Variants in GPX8 observed in about 807,000 individuals in gnomAD.
GPX8 encodes glutathione peroxidase 8 (putative), also known as protein peroxidase GPX8.
A neutral mutation model predicts 17.8 loss-of-function variants in GPX8; 12 were observed. That is an observed-to-expected ratio of 0.67 (90% CI 0.43 to 1.09). GPX8 has a LOEUF of 1.09. Ranked by LOEUF, GPX8 falls within the 50% of genes least tolerant of loss-of-function variation. The probability of loss-of-function intolerance (pLI) is 0.00; values close to 1 mark genes in which losing one functional copy is unlikely to be tolerated. For synonymous variants in GPX8, 86 were observed against 88.1 expected (o/e 0.98, Z 0.14); for missense variants, 209 against 235.6 (o/e 0.89, Z 0.74).
Position 55,160,236 on chromosome 5 carries a change from G to A in GPX8, c.44G>A (p.Arg15Lys), listed in dbSNP as rs370409177. The change falls in exon 1 of 3, where the codon AGA (arginine) becomes AAA (lysine). Residue 15 changes from arginine to lysine, a missense_variant. Transcript: ENST00000503787. ...TACCCGCTAAAATGTTCCGGGCCCAGAGCAAAGGTATTTGCAGTTTTGCTG... is the reference window on the plus strand; with the variant it reads ...TACCCGCTAAAATGTTCCGGGCCCAAAGCAAAGGTATTTGCAGTTTTGCTG... ...AAYPLKCSGPRAKVFAVLLSI... is the reference protein window; with the variant it reads ...AAYPLKCSGPKAKVFAVLLSI... 1 of 1,614,138 alleles carries A rather than the reference G, an allele frequency of 6.2e-7. No individual in the cohort carries two copies. The highest frequency in any genetic ancestry group is 2.2e-5 in the East Asian group (1 of 44,880).
chr5:55,161,054 C>T lies in GPX8; in HGVS notation c.265C>T (p.Leu89=), dbSNP rs1406647027. 1 of 1,614,006 alleles carries T rather than the reference C, an allele frequency of 6.2e-7. No homozygotes were observed. The highest frequency in any genetic ancestry group is 8.5e-7 in the Non-Finnish European group (1 of 1,180,010). The part of the protein sequence containing the change: ...CQLTDRNYLG[L]KELHKEFGPS... ...ACTCACAGACAGAAATTACTTAGGG[C>T]TGAAGGAACTGCACAAAGAGTTTGG... The change falls in exon 2 of 3, where the codon CTG becomes TTG. Residue 89 remains leucine, a synonymous_variant. Transcript: ENST00000503787.
chr5:55,166,231 A>G lies in GPX8; in HGVS notation c.*2013A>G, dbSNP rs1381930767. ...GACTCCCCACTGCCAGATGGATGAT[A>G]ATGGAGCTGCACTGGGAACAACCAG... On this transcript the variant is annotated 3_prime_UTR_variant, in exon 3 of 3. Transcript: ENST00000503787. 1 of 152,378 alleles carries G rather than the reference A, an allele frequency of 6.6e-6. No homozygotes were observed. The highest frequency in any genetic ancestry group is 1.9e-4 in the East Asian group (1 of 5,204). The allele number at this position is 152,378 out of a possible 1,614,324, so 9.4% of individuals were successfully genotyped here. A position where few individuals can be genotyped will look rare whatever the true frequency, so the allele number is the denominator to read the frequency against.
At position 55,160,973 on chromosome 5, in the gene GPX8, A is replaced by AT. The variant is rs780470415; in HGVS notation, c.205-14dup. 8.8e-6 allele frequency: 14 copies of AT among 1,583,874 alleles called. No homozygotes were observed. In the Admixed American group the frequency reaches 1.7e-4, roughly 19 times the overall value. ...ATCTTTTGCTTCACTTTCCGGTTGG[A>AT]TTTTTTTCTTTTTCCGGGAGGTTTC... On this transcript the variant is annotated intron_variant, in intron 1 of 2. Coordinates refer to ENST00000503787, the MANE Select transcript of GPX8 (RefSeq NM_001008397.4).
intron 1 of GPX8, 22 bp from the exon 2 acceptor site, chr5:55,160,972 G>A (rs1744017541): frequency 1.3e-6 from 2 of 1,584,016 alleles, no homozygotes; most frequent in African/African-American, 2.7e-5. Context: ...TTTCCGGTTG[G>A]ATTTTTTTCT....
intron 2 of GPX8, 152 bp from the exon 3 acceptor site, chr5:55,163,903 T>C: frequency 2.0e-6 from 1 of 498,418 alleles, no homozygotes; most frequent in Non-Finnish European, 3.4e-6. Context: ...ACTCTAACCT[T>C]GAGTTTCACT....
rs757293056 is a variant in GPX8, at chr5:55,165,418, G to A, written c.*1200G>A. On this transcript the variant is annotated 3_prime_UTR_variant, in exon 3 of 3. Coordinates refer to ENST00000503787, the MANE Select transcript of GPX8 (RefSeq NM_001008397.4). ...AGATGGCCAAAAATGTAAAAAAGTC[G>A]TATAAATTTGTCTAAGAAGAAAAAG... is the stretch of plus-strand genomic sequence containing the variant. The A allele has an allele frequency of 7.2e-5, 11 of 152,264 alleles. No individual in the cohort carries two copies. The highest frequency in any genetic ancestry group is 2.1e-4 in the South Asian group (1 of 4,824). 9.4% of individuals were successfully genotyped at this position (152,264 alleles called of 1,614,324 possible). A position where few individuals can be genotyped will look rare whatever the true frequency, so the allele number is the denominator to read the frequency against.
Position 55,165,077 on chromosome 5 carries a change from G to C in GPX8, c.*859G>C, listed in dbSNP as rs1465785462. 1 of 152,138 alleles carries C rather than the reference G, an allele frequency of 6.6e-6. No homozygotes were observed. Among genetic ancestry groups the C allele is most frequent in the Non-Finnish European group, 1.5e-5 (1 of 68,038 alleles). The allele number at this position is 152,138 out of a possible 1,614,324, so 9.4% of individuals were successfully genotyped here. A position where few individuals can be genotyped will look rare whatever the true frequency, so the allele number is the denominator to read the frequency against. The stretch of plus-strand genomic sequence containing the variant: ...AACTTGATTCCTTATAGGCTGATTT[G>C]GGTTGCTAATGTATTCGTACTAGAT... On this transcript the variant is annotated 3_prime_UTR_variant, in exon 3 of 3. Transcript: ENST00000503787.
chr5:55,160,202 CT>C lies in GPX8; in HGVS notation c.12del (p.Ala5GlnfsTer5). The C allele has an allele frequency of 6.2e-7, 1 of 1,613,850 alleles. No homozygotes were observed. The highest frequency in any genetic ancestry group is 8.5e-7 in the Non-Finnish European group (1 of 1,179,748). Reference protein sequence around the residue: MEPLAAYPLKCSGP... With the variant: MEPXAAYPLKCSGP... ...TCTAGAATCCTCCAACATGGAGCCT[CT>C]TGCAGCTTACCCGCTAAAATGTTCC... On this transcript the variant is annotated frameshift_variant, in exon 1 of 3. Coordinates refer to ENST00000503787, the MANE Select transcript of GPX8 (RefSeq NM_001008397.4). LOFTEE classifies it high-confidence loss of function.
chr5:55,162,665 T>C (rs1182624837), intron 2 of GPX8, among the ~76,000 whole-genome samples: 1 of 152,260 alleles, frequency 6.6e-6, no homozygotes, highest in Non-Finnish European at 1.5e-5. Context: ...GTGAGGTCTT[T>C]ATTCCTCTTA....
chr5:55,161,345 C>A (rs1263019577), intron 2 of GPX8, 90 bp downstream of exon 2: 16 of 1,248,900 alleles, frequency 1.3e-5, no homozygotes, highest in Non-Finnish European at 1.7e-5. Context: ...TCATTTGAAA[C>A]GTTGTATCGG....
chr5:55,160,989 G>T lies in GPX8; in HGVS notation c.205-5G>T, dbSNP rs1179192655. ...TCCGGTTGGATTTTTTTCTTTTTCC[G>T]GGAGGTTTCACTAGTTGTAAACGTG... On this transcript the variant is annotated splice_polypyrimidine_tract_variant and splice_region_variant and intron_variant, in intron 1 of 2. Coordinates refer to ENST00000503787, the MANE Select transcript of GPX8 (RefSeq NM_001008397.4). 1 of 1,581,326 alleles carries T rather than the reference G, an allele frequency of 6.3e-7. No individual in the cohort carries two copies. Among genetic ancestry groups the T allele is most frequent in the Non-Finnish European group, 8.6e-7 (1 of 1,166,770 alleles).
At chr5:55,162,505 C>G (rs1744131902) in intron 2 of GPX8, among the ~76,000 whole-genome samples, 1 of 152,198 alleles carries the variant, frequency 6.6e-6, no homozygotes, top group Non-Finnish European at 1.5e-5. Context: ...AAACTATTAC[C>G]TCACTCAGGC....
Position 55,166,155 on chromosome 5 carries a change from C to T in GPX8, c.*1937C>T, listed in dbSNP as rs372361181. The T allele has an allele frequency of 8.5e-5, 13 of 152,320 alleles. No homozygotes were observed. In the South Asian group the frequency reaches 2.3e-3, roughly 27 times the overall value. 9.4% of individuals were successfully genotyped at this position (152,320 alleles called of 1,614,324 possible). A position where few individuals can be genotyped will look rare whatever the true frequency, so the allele number is the denominator to read the frequency against. On this transcript the variant is annotated 3_prime_UTR_variant, in exon 3 of 3. Coordinates refer to ENST00000503787, the MANE Select transcript of GPX8 (RefSeq NM_001008397.4). ...ACTGCAGGGGTGTTTTATGCATTCA[C>T]GTTAGGAGCATGAGCAGAACTGCAT...
intron 2 of GPX8, among the ~76,000 whole-genome samples, chr5:55,162,117 CG>C (rs1176771741): frequency 1.4e-5 from 2 of 145,994 alleles, no homozygotes; most frequent in Non-Finnish European, 3.0e-5. Flanking sequence ...AAAAAAAGGC[CG>C]GGCGCGGTGG....
intron 2 of GPX8, among the ~76,000 whole-genome samples, chr5:55,161,787 A>G (rs1744079862): frequency 6.6e-6 from 1 of 152,182 alleles, no homozygotes; most frequent in South Asian, 2.1e-4. Context: ...GTGTTAGGCT[A>G]TTTCTCCAAT....
rs183828429 is a variant in GPX8 at position 55,163,176 on chromosome 5, G to C, written c.467-879G>C. Among the ~76,000 whole-genome samples, 5 of 151,898 alleles carry C rather than the reference G, an allele frequency of 3.3e-5. No homozygotes were observed. In the East Asian group the frequency reaches 9.7e-4, roughly 29 times the overall value. ...ATAAAATGAACATAAATCTTGAGTG[G>C]TATAAATAGAAAAAAAATCTACATT... On this transcript the variant is annotated intron_variant, in intron 2 of 2. Coordinates refer to ENST00000503787, the MANE Select transcript of GPX8 (RefSeq NM_001008397.4).
rs1249144327 is a variant in GPX8 at position 55,164,957 on chromosome 5, A to T, written c.*739A>T. 6.6e-6 allele frequency: 1 copy of T among 152,198 alleles called. No individual in the cohort carries two copies. The highest frequency in any genetic ancestry group is 1.5e-5 in the Non-Finnish European group (1 of 68,028). 9.4% of individuals were successfully genotyped at this position (152,198 alleles called of 1,614,324 possible). On this transcript the variant is annotated 3_prime_UTR_variant, in exon 3 of 3. Coordinates refer to ENST00000503787, the MANE Select transcript of GPX8 (RefSeq NM_001008397.4). The stretch of plus-strand genomic sequence containing the variant: ...CTGCATTATTTTTTAGAAGCAACTC[A>T]AATTCTGTAATCATAATATTACCAA...
At position 55,166,282 on chromosome 5, in the gene GPX8, A is replaced by C. The variant is rs1236036558; in HGVS notation, c.*2064A>C. On this transcript the variant is annotated 3_prime_UTR_variant, in exon 3 of 3. Coordinates refer to ENST00000503787, the MANE Select transcript of GPX8 (RefSeq NM_001008397.4). ...GACTGTCCCAGTCAACATGATACAGATGAACATCCTGCCTTAAGTCACTAG... is the reference window on the plus strand; with the variant it reads ...GACTGTCCCAGTCAACATGATACAGCTGAACATCCTGCCTTAAGTCACTAG... 1 of 152,258 alleles carries C rather than the reference A, an allele frequency of 6.6e-6. No individual in the cohort carries two copies. The highest frequency in any genetic ancestry group is 1.5e-5 in the Non-Finnish European group (1 of 68,062). 9.4% of individuals were successfully genotyped at this position (152,258 alleles called of 1,614,324 possible).
In GPX8 at chr5:55,165,140, A is replaced by G. The variant is rs1332105573; in HGVS notation, c.*922A>G. 2.0e-5 allele frequency: 3 copies of G among 152,222 alleles called. No homozygotes were observed. Among genetic ancestry groups the G allele is most frequent in the African/African-American group, 7.2e-5 (3 of 41,450 alleles). The allele number at this position is 152,222 out of a possible 1,614,324, so 9.4% of individuals were successfully genotyped here. A position where few individuals can be genotyped will look rare whatever the true frequency, so the allele number is the denominator to read the frequency against. ...AGGAATTCAATGCTGCATCATTCTG[A>G]TAGCTGAAATAGTAAAAGTCAACTC... On this transcript the variant is annotated 3_prime_UTR_variant, in exon 3 of 3. Coordinates refer to ENST00000503787, the MANE Select transcript of GPX8 (RefSeq NM_001008397.4).
Sources: allele counts gnomAD v4.1 joint callset (sites outside exome capture counted in the v4.1 genomes callset), GRCh38; gene constraint gnomAD v4.1.1; transcripts MANE v1.5; gene names NCBI Gene and HGNC (gene_info 2026-07-23, HGNC 2026-07-21).